The following KAT6B variants were observed in gnomAD, a reference collection of about 807,000 sequenced individuals.
The protein encoded by KAT6B is histone acetyltransferase KAT6B.
Under a neutral mutation model 187.5 loss-of-function variants are expected in KAT6B, and 10 were observed. That is an observed-to-expected ratio of 0.05 (90% CI 0.03 to 0.09). The LOEUF (loss-of-function observed/expected upper bound fraction) is 0.09, where lower values mean the gene tolerates loss of function less well. Ranked by LOEUF, KAT6B falls within the 10% of genes least tolerant of loss-of-function variation. KAT6B has a pLI of 1.00. For missense variants in KAT6B, 1,952 were observed against 2,558.9 expected (o/e 0.76, Z 5.12); for synonymous variants, 861 against 926.8 (o/e 0.93, Z 1.29).
chr10:74,831,761 A>G (rs1378033286), intron 1 of KAT6B, among the ~76,000 whole-genome samples: 1 of 152,118 alleles, frequency 6.6e-6, no homozygotes, highest in Non-Finnish European at 1.5e-5. Context: ...CATATTTGTT[A>G]TCTCAGTGAT....
At chr10:74,924,591 A>G (rs1333988159) in intron 3 of KAT6B, among the ~76,000 whole-genome samples, 3 of 152,230 alleles carry the variant, frequency 2.0e-5, no homozygotes, top group South Asian at 2.1e-4. Flanking sequence ...TACCCCTGAA[A>G]TAACTATCTT....
At chr10:75,023,969 C>A (rs1313323215) in intron 16 of KAT6B, among the ~76,000 whole-genome samples, 1 of 152,186 alleles carries the variant, frequency 6.6e-6, no homozygotes, top group African/African-American at 2.4e-5. Context: ...TGGGGGGCAA[C>A]AATTACATCT....
At chr10:74,828,014 G>A (rs772634738) in intron 1 of KAT6B, among the ~76,000 whole-genome samples, 2 of 152,100 alleles carry the variant, frequency 1.3e-5, no homozygotes, top group African/African-American at 2.4e-5. Context: ...GTGTCCGGCA[G>A]CAGGGTATCC....
intron 3 of KAT6B, among the ~76,000 whole-genome samples, chr10:74,932,461 C>G (rs1440242495): frequency 6.6e-6 from 1 of 152,116 alleles, no homozygotes; most frequent in African/African-American, 2.4e-5. Context: ...GCCTTGACTC[C>G]TTTACCCCAT....
At chr10:74,844,500 A>G (rs1170966530) in intron 3 of KAT6B, among the ~76,000 whole-genome samples, 4 of 152,234 alleles carry the variant, frequency 2.6e-5, no homozygotes, top group Admixed American at 2.6e-4. Flanking sequence ...TGCCTGGCTG[A>G]TAATCTATGC....
intron 3 of KAT6B, among the ~76,000 whole-genome samples, chr10:74,866,660 T>G (rs1843574247): frequency 6.6e-6 from 1 of 152,162 alleles, no homozygotes; most frequent in Admixed American, 6.5e-5. Context: ...AGAAGATAAC[T>G]GTAAAAGTTA....
intron 3 of KAT6B, among the ~76,000 whole-genome samples, chr10:74,884,220 T>A (rs1845067789): frequency 6.6e-6 from 1 of 152,204 alleles, no homozygotes; most frequent in African/African-American, 2.4e-5. Flanking sequence ...TTTCTAGGTG[T>A]TGTTTGTATG....
At chr10:75,016,880 T>G (rs1292784905) in intron 13 of KAT6B, among the ~76,000 whole-genome samples, 8 of 99,830 alleles carry the variant, frequency 8.0e-5, no homozygotes, top group Non-Finnish European at 1.5e-4. Flanking sequence ...TTTTTTTTTT[T>G]GAGATGGAGT....
chr10:74,977,502 AT>A lies in KAT6B; in HGVS notation c.2115+67del, dbSNP rs975750398. On this transcript the variant is annotated intron_variant, in intron 9 of 17. Transcript: ENST00000287239. ...TGTGGCTTCTAACTATTAATATGGAATTACTGTGTTGATTTTATAGAGAATC... is the reference window on the plus strand; with the variant it reads ...TGTGGCTTCTAACTATTAATATGGAATACTGTGTTGATTTTATAGAGAATC... 7 of 1,572,584 alleles carry A rather than the reference AT, an allele frequency of 4.5e-6. 1 individual carries two copies. The African/African-American group carries it at 9.5e-5, about 21-fold the overall frequency.
At chr10:75,026,628 G>T (rs1029677059) in intron 17 of KAT6B, among the ~76,000 whole-genome samples, 121 of 145,412 alleles carry the variant, frequency 8.3e-4, no homozygotes, top group African/African-American at 2.9e-3. Flanking sequence ...TATTCTTTGG[G>T]TTTTTTTTTT....
chr10:75,022,354 A>G, intron 16 of KAT6B, 123 bp downstream of exon 16: 2 of 1,042,478 alleles, frequency 1.9e-6, no homozygotes, highest in Non-Finnish European at 3.0e-6. Context: ...ATGTGTACCC[A>G]GTCCCGCTGA....
intron 3 of KAT6B, among the ~76,000 whole-genome samples, chr10:74,945,772 T>C (rs1331302189): frequency 6.6e-6 from 1 of 152,220 alleles, no homozygotes; most frequent in Non-Finnish European, 1.5e-5. Flanking sequence ...TTTAAAAGGT[T>C]GCGTGTTTTT....
At chr10:74,981,431 T>C (rs995826083) in intron 10 of KAT6B, among the ~76,000 whole-genome samples, 1 of 152,048 alleles carries the variant, frequency 6.6e-6, no homozygotes, top group African/African-American at 2.4e-5. Flanking sequence ...TGGAGCGCAG[T>C]GGTGCAATCT....
intron 3 of KAT6B, among the ~76,000 whole-genome samples, chr10:74,851,369 A>G (rs963572460): frequency 6.7e-5 from 8 of 119,658 alleles, no homozygotes; most frequent in Non-Finnish European, 1.4e-4. Flanking sequence ...GAGTCTTGCT[A>G]TGTTGCCAGG....
At chr10:74,931,235 C>T (rs896741796) in intron 3 of KAT6B, among the ~76,000 whole-genome samples, 1 of 152,082 alleles carries the variant, frequency 6.6e-6, no homozygotes, top group Non-Finnish European at 1.5e-5. Context: ...ACTGAAAGGC[C>T]TCCTTTCCTC....
At position 74,976,309 on chromosome 10, in the gene KAT6B, A is replaced by T; in HGVS notation, c.1972A>T (p.Ile658Phe). 1 of 1,613,352 alleles carries T rather than the reference A, an allele frequency of 6.2e-7. No homozygotes were observed. The highest frequency in any genetic ancestry group is 8.5e-7 in the Non-Finnish European group (1 of 1,179,974). ...GAAGGGGAGCTTGACAGACGGAAGG[A>T]TTAAACCTGATCAGGATGATGGTAA... is the stretch of plus-strand genomic sequence containing the variant. ...PGKGSLTDGR[I>F]KPDQDDDTEI... is the part of the protein sequence containing the mutation. The change falls in exon 8 of 18, where the codon ATT (isoleucine) becomes TTT (phenylalanine). Residue 658 changes from isoleucine (I) to phenylalanine (F), a missense_variant. Ile to Phe is a conservative substitution (Grantham distance 21, BLOSUM62 0). Around this residue, in one of 9 missense-constraint regions of KAT6B, gnomAD observed 417 missense variants for 508.9 expected, o/e 0.82. Transcript: ENST00000287239.
At chr10:74,839,185 G>T (rs1445461100) in intron 2 of KAT6B, among the ~76,000 whole-genome samples, 1 of 150,806 alleles carries the variant, frequency 6.6e-6, no homozygotes, top group Non-Finnish European at 1.5e-5. Context: ...TGTGGTAAAA[G>T]CTTGTCATGA....
intron 3 of KAT6B, among the ~76,000 whole-genome samples, chr10:74,914,282 T>C (rs1046420942): frequency 6.6e-6 from 1 of 152,118 alleles, no homozygotes; most frequent in Non-Finnish European, 1.5e-5. Context: ...TGTTTCAAAG[T>C]GTAATTATTT....
At chr10:75,016,550 G>A (rs948830454) in intron 13 of KAT6B, among the ~76,000 whole-genome samples, 5 of 152,192 alleles carry the variant, frequency 3.3e-5, no homozygotes, top group African/African-American at 7.2e-5. Flanking sequence ...GGGCTACCCC[G>A]TTTTCAATTA....
Sources: allele counts gnomAD v4.1 joint callset (sites outside exome capture counted in the v4.1 genomes callset), GRCh38; gene constraint gnomAD v4.1.1; regional missense constraint gnomAD v4.1.1; transcripts MANE v1.5; gene names NCBI Gene and HGNC (gene_info 2026-07-23, HGNC 2026-07-21).